The following YPEL5 variants were observed in gnomAD, a reference collection of about 807,000 sequenced individuals.
YPEL5 encodes the protein yippee like 5.
In YPEL5, 1 loss-of-function variant was observed where a neutral mutation model predicts 10.5. That is an observed-to-expected ratio of 0.10 (90% CI 0.03 to 0.45). The LOEUF is 0.45. YPEL5 is among the 20% of genes least tolerant of loss of function. The probability of loss-of-function intolerance (pLI) is 0.97; values close to 1 mark genes in which losing one functional copy is unlikely to be tolerated. For missense variants in YPEL5, 68 were observed against 159.3 expected, an observed-to-expected ratio of 0.43 and a Z score of 3.09; for synonymous variants, 61 against 56.6, an observed-to-expected ratio of 1.08 and a Z score of -0.35.
chr2:30,152,707 ATACC>A (rs1358794707), intron 1 of YPEL5, among the ~76,000 whole-genome samples: 1 of 152,206 alleles, frequency 6.6e-6, no homozygotes, highest in Non-Finnish European at 1.5e-5. Context: ...GAGGTGATAA[ATACC>A]TACTTTAAAA....
intron 1 of YPEL5, among the ~76,000 whole-genome samples, chr2:30,154,359 T>C (rs1007219673): frequency 1.3e-5 from 2 of 152,186 alleles, no homozygotes; most frequent in African/African-American, 4.8e-5. Flanking sequence ...CATTCAAATA[T>C]TGGTTCAAGG....
intron 1 of YPEL5, among the ~76,000 whole-genome samples, chr2:30,152,655 A>C (rs1675852480): frequency 6.6e-6 from 1 of 152,176 alleles, no homozygotes; most frequent in Non-Finnish European, 1.5e-5. Context: ...TGGCTTGGCC[A>C]CTTCTGGAAA....
intron 1 of YPEL5, among the ~76,000 whole-genome samples, chr2:30,148,808 G>T (rs755902937): frequency 5.3e-5 from 8 of 152,308 alleles, no homozygotes; most frequent in Middle Eastern, 3.4e-3. Flanking sequence ...ATTATGAAAA[G>T]AAGTAATTAA....
At chr2:30,153,008 C>G (rs1414325914) in intron 1 of YPEL5, among the ~76,000 whole-genome samples, 8 of 150,912 alleles carry the variant, frequency 5.3e-5, no homozygotes, top group Non-Finnish European at 8.8e-5. Flanking sequence ...TCATGCCTTT[C>G]TCCTGCCTCA....
At chr2:30,153,903 A>G (rs1675925201) in intron 1 of YPEL5, among the ~76,000 whole-genome samples, 1 of 152,242 alleles carries the variant, frequency 6.6e-6, no homozygotes, top group African/African-American at 2.4e-5. Flanking sequence ...GGAAAAAGGC[A>G]TGTTAAATGT....
In YPEL5 at chr2:30,150,271, A is replaced by G. The variant is rs150820160; in HGVS notation, c.-25+3209A>G. On this transcript the variant is annotated intron_variant, in intron 1 of 2. Coordinates refer to ENST00000261353, the MANE Select transcript of YPEL5 (RefSeq NM_016061.3). Reference sequence around the variant, plus strand: ...GTTGGGATGGGGAATGTTGAAGAAGATAATCTAGTTTTACTGACCTTTATT... The same window carrying G: ...GTTGGGATGGGGAATGTTGAAGAAGGTAATCTAGTTTTACTGACCTTTATT... 4.1e-3 allele frequency among the ~76,000 whole-genome samples: 630 copies of G among 152,324 alleles called. 4 individuals carry two copies. Among genetic ancestry groups the G allele is most frequent in the African/African-American group, 0.015 (612 of 41,564 alleles).
intron 2 of YPEL5, among the ~76,000 whole-genome samples, chr2:30,157,051 G>A (rs548234336): frequency 3.3e-5 from 5 of 152,132 alleles, no homozygotes; most frequent in Non-Finnish European, 7.4e-5. Flanking sequence ...TTGGGAGGCC[G>A]AGGTGGGCAG....
intron 1 of YPEL5, among the ~76,000 whole-genome samples, chr2:30,152,161 G>GT (rs966454687): frequency 6.6e-4 from 99 of 149,492 alleles, no homozygotes; most frequent in Middle Eastern, 7.0e-3. Flanking sequence ...TAATAAAGCG[G>GT]TTTTTTTTTT....
At chr2:30,150,588 C>G (rs1004708152) in intron 1 of YPEL5, among the ~76,000 whole-genome samples, 4 of 152,126 alleles carry the variant, frequency 2.6e-5, no homozygotes, top group African/African-American at 9.7e-5. Context: ...CTTCAACATG[C>G]TGAACTGGTT....
chr2:30,150,053 A>G (rs1297220629), intron 1 of YPEL5, among the ~76,000 whole-genome samples: 1 of 152,182 alleles, frequency 6.6e-6, no homozygotes, highest in Non-Finnish European at 1.5e-5. Context: ...ATTATTAATT[A>G]TAGGGACAAC....
chr2:30,152,890 G>GTT lies in YPEL5; in HGVS notation c.-24-3720_-24-3719dup, dbSNP rs373848986. Among the ~76,000 whole-genome samples, 125 of 122,716 alleles carry GTT rather than the reference G, an allele frequency of 1.0e-3. 1 individual carries two copies. Among genetic ancestry groups the GTT allele is most frequent in the Non-Finnish European group, 1.5e-3 (87 of 58,330 alleles). 80.5% of individuals were successfully genotyped at this position (122,716 alleles called of 152,430 possible). A position where few individuals can be genotyped will look rare whatever the true frequency, so the allele number is the denominator to read the frequency against. On this transcript the variant is annotated intron_variant, in intron 1 of 2. Coordinates refer to ENST00000261353, the MANE Select transcript of YPEL5 (RefSeq NM_016061.3). ...CTTAGCTTTTTAATGACTGTCCTTTGTTTTTTTTTTTTTTTTTTTGGTTTT... is the reference window on the plus strand; with the variant it reads ...CTTAGCTTTTTAATGACTGTCCTTTGTTTTTTTTTTTTTTTTTTTTTGGTTTT...
intron 1 of YPEL5, 60 bp from the exon 2 acceptor site, chr2:30,156,568 C>T: frequency 6.6e-7 from 1 of 1,506,366 alleles, no homozygotes; most frequent in South Asian, 1.2e-5. Flanking sequence ...TGACACCCCC[C>T]AAGTAGGTGC....
rs1476403586 is a variant in YPEL5 at position 30,158,745 on chromosome 2, G to A, written c.268G>A (p.Asp90Asn). The change falls in exon 3 of 3, where the codon GAC becomes AAC. Residue 90 changes from aspartate to asparagine, a missense_variant. Asp to Asn is a conservative substitution (Grantham distance 23). Transcript: ENST00000261353. ...LGWIYEFATE[D>N]SQRYKEGRVI... ...ATGGATCTATGAGTTTGCCACTGAAGACAGCCAGCGATATAAGGAAGGCCG... is the reference window on the plus strand; with the variant it reads ...ATGGATCTATGAGTTTGCCACTGAAAACAGCCAGCGATATAAGGAAGGCCG... 1 of 1,614,054 alleles carries A rather than the reference G, an allele frequency of 6.2e-7. No homozygotes were observed. The highest frequency in any genetic ancestry group is 8.5e-7 in the Non-Finnish European group (1 of 1,180,038).
rs565121649 is a variant in YPEL5, at chr2:30,156,476, C to G, written c.-24-152C>G. 5.3e-4 allele frequency: 364 copies of G among 686,990 alleles called. 2 individuals carry two copies. The African/African-American group carries it at 5.8e-3, about 11-fold the overall frequency. The allele number at this position is 686,990 out of a possible 1,614,324, so 42.6% of individuals were successfully genotyped here. On this transcript the variant is annotated intron_variant, in intron 1 of 2. Coordinates refer to ENST00000261353, the MANE Select transcript of YPEL5 (RefSeq NM_016061.3). Reference sequence around the variant, plus strand: ...TTTGTTCAGTGTGTGAACTTTGGATCTTTTTGTTCAGGATCAGCTATTTCA... The same window carrying G: ...TTTGTTCAGTGTGTGAACTTTGGATGTTTTTGTTCAGGATCAGCTATTTCA...
rs755257529 is a variant in YPEL5 at position 30,147,074 on chromosome 2, G to A, written c.-25+12G>A. On this transcript the variant is annotated intron_variant, in intron 1 of 2. Coordinates refer to ENST00000261353, the MANE Select transcript of YPEL5 (RefSeq NM_016061.3). ...CACCGCCGCTCAGGGTGAGTCCCGCGGGAGGGGCTGGACTCGGGGCCGGTG... is the reference window on the plus strand; with the variant it reads ...CACCGCCGCTCAGGGTGAGTCCCGCAGGAGGGGCTGGACTCGGGGCCGGTG... 10 of 152,368 alleles carry A rather than the reference G, an allele frequency of 6.6e-5. No homozygotes were observed. Among genetic ancestry groups the A allele is most frequent in the East Asian group, 1.9e-4 (1 of 5,162 alleles). The allele number at this position is 152,368 out of a possible 1,614,324, so 9.4% of individuals were successfully genotyped here.
Position 30,159,299 on chromosome 2 carries a change from G to A in YPEL5, c.*456G>A, listed in dbSNP as rs1676177621. ...AGCTTCAGAGAAGAGATCCGAATCT[G>A]TGCCCAGCGCTAAAGGCTCAGTGTT... On this transcript the variant is annotated 3_prime_UTR_variant, in exon 3 of 3. Coordinates refer to ENST00000261353, the MANE Select transcript of YPEL5 (RefSeq NM_016061.3). 5.9e-6 allele frequency: 1 copy of A among 168,940 alleles called. No individual in the cohort carries two copies. The highest frequency in any genetic ancestry group is 1.3e-5 in the Non-Finnish European group (1 of 77,664). The allele number at this position is 168,940 out of a possible 1,614,324, so 10.5% of individuals were successfully genotyped here.
rs1387054971 is a variant in YPEL5, at chr2:30,157,628, C to T, written c.141+836C>T. 5.8e-4 allele frequency among the ~76,000 whole-genome samples: 88 copies of T among 152,110 alleles called. 1 individual carries two copies. Among genetic ancestry groups the T allele is most frequent in the Non-Finnish European group, 2.9e-5 (2 of 68,036 alleles). On this transcript the variant is annotated intron_variant, in intron 2 of 2. Coordinates refer to ENST00000261353, the MANE Select transcript of YPEL5 (RefSeq NM_016061.3). ...TCTGGCTTGCTTTCAAATTGGATGC[C>T]GTGATTCTGCCTCCCGGAATCTGGT...
Position 30,158,872 on chromosome 2 carries a change from A to G in YPEL5, c.*29A>G, listed in dbSNP as rs745738484. 2.5e-6 allele frequency: 4 copies of G among 1,609,304 alleles called. No individual in the cohort carries two copies. The highest frequency in any genetic ancestry group is 3.4e-6 in the Non-Finnish European group (4 of 1,176,398). On this transcript the variant is annotated 3_prime_UTR_variant, in exon 3 of 3. Coordinates refer to ENST00000261353, the MANE Select transcript of YPEL5 (RefSeq NM_016061.3). The stretch of plus-strand genomic sequence containing the variant: ...TACAGAGAGAAATCCATCTTTTCCC[A>G]GGTCTCCTTCACTGAAAACAAAAAT...
intron 1 of YPEL5, among the ~76,000 whole-genome samples, chr2:30,152,616 C>A (rs1022811559): frequency 6.6e-6 from 1 of 152,166 alleles, no homozygotes; most frequent in Admixed American, 6.5e-5. Context: ...TGATAGCCCT[C>A]TAATCACTAG....
Sources: gnomAD v4.1 joint callset for allele counts (sites outside exome capture counted in the v4.1 genomes callset) on GRCh38, gnomAD v4.1.1 for gene constraint, MANE v1.5 for transcripts, NCBI Gene and HGNC (gene_info 2026-07-23, HGNC 2026-07-21) for gene names.